Variants in EGFR observed in about 807,000 individuals in gnomAD.
The protein encoded by EGFR is avian erythroblastic leukemia viral (v-erb-b) oncogene homolog.
Under a neutral mutation model 143.0 loss-of-function variants are expected in EGFR, and 58 were observed. That is an observed-to-expected ratio of 0.41 (90% CI 0.33 to 0.50). The LOEUF (loss-of-function observed/expected upper bound fraction) is 0.50, where lower values mean the gene tolerates loss of function less well. Among genes scored for constraint, EGFR ranks in the 20% least tolerant of loss-of-function variants. The probability of loss-of-function intolerance (pLI) is 0.39; values close to 1 mark genes in which losing one functional copy is unlikely to be tolerated. For synonymous variants in EGFR, 613 were observed against 594.4 expected (o/e 1.03, Z -0.45); for missense variants, 1,307 against 1,579.0 (o/e 0.83, Z 2.92).
At chr7:55,106,869 T>C (rs556353871) in intron 1 of EGFR, among the ~76,000 whole-genome samples, 29 of 152,320 alleles carry the variant, frequency 1.9e-4, no homozygotes, top group African/African-American at 6.0e-4. Context: ...TAAAAATCTA[T>C]CAAGTCAAGA....
rs746998002 is a variant in EGFR, at chr7:55,209,935, CTCTT to C, written c.*4319_*4322del. 3.3e-5 allele frequency: 5 copies of C among 152,318 alleles called. No individual in the cohort carries two copies. The East Asian group carries it at 5.8e-4, about 18-fold the overall frequency. 9.4% of individuals were successfully genotyped at this position (152,318 alleles called of 1,614,324 possible). On this transcript the variant is annotated 3_prime_UTR_variant, in exon 28 of 28. Transcript: ENST00000275493. ...GAGGCAAGAGGAAAGCCCTTTCTCTCTCTTATAAAAAGGCACAACCTCATTGGGG... is the reference window on the plus strand; with the variant it reads ...GAGGCAAGAGGAAAGCCCTTTCTCTCATAAAAAGGCACAACCTCATTGGGG...
At chr7:55,177,156 G>C (rs981078992) in intron 19 of EGFR, among the ~76,000 whole-genome samples, 2 of 152,022 alleles carry the variant, frequency 1.3e-5, no homozygotes, top group Non-Finnish European at 2.9e-5. Context: ...AGCCTGGAGT[G>C]TTCCCTGAAG....
At chr7:55,068,704 C>T (rs2302534) in intron 1 of EGFR, among the ~76,000 whole-genome samples, 77,710 of 152,024 alleles carry the variant, frequency 0.51, 20,391 homozygotes, top group East Asian at 0.91. Flanking sequence ...GTATTGAGAA[C>T]GCTCCAGTGA....
intron 1 of EGFR, among the ~76,000 whole-genome samples, chr7:55,140,900 G>A (rs999402888): frequency 6.6e-6 from 1 of 152,214 alleles, no homozygotes. Flanking sequence ...TAAGTGCTTT[G>A]GGTTGGTTAT....
rs183455777 is a variant in EGFR, at chr7:55,077,678, G to A, written c.88+58313G>A. Among the ~76,000 whole-genome samples, 123 of 152,282 alleles carry A rather than the reference G, an allele frequency of 8.1e-4. 1 individual carries two copies. Among genetic ancestry groups the A allele is most frequent in the African/African-American group, 2.5e-3 (104 of 41,540 alleles). Reference sequence around the variant, plus strand: ...GCACCGAAAGACCAAGACTGCTAGAGAACTAGGAAACAGGCGGTGCAAGAA... The same window carrying A: ...GCACCGAAAGACCAAGACTGCTAGAAAACTAGGAAACAGGCGGTGCAAGAA... On this transcript the variant is annotated intron_variant, in intron 1 of 27. Coordinates refer to ENST00000275493, the MANE Select transcript of EGFR (RefSeq NM_005228.5).
intron 22 of EGFR, among the ~76,000 whole-genome samples, chr7:55,197,435 T>C (rs374745792): frequency 1.3e-5 from 2 of 152,342 alleles, no homozygotes; most frequent in East Asian, 1.9e-4. Flanking sequence ...TTTCTAGATA[T>C]AGGATCATGT....
Position 55,033,132 on chromosome 7 carries a change from T to C in EGFR, c.88+13767T>C, listed in dbSNP as rs111291147. Among the ~76,000 whole-genome samples the C allele has an allele frequency of 4.2e-3, 642 of 152,336 alleles. 3 individuals carry two copies. Among genetic ancestry groups the C allele is most frequent in the Non-Finnish European group, 7.4e-3 (502 of 68,020 alleles). The stretch of plus-strand genomic sequence containing the variant: ...GTGATTCTAGAACTAATCATTAACA[T>C]TCAATAGATGACTATTTTATTCTAG... On this transcript the variant is annotated intron_variant, in intron 1 of 27. Coordinates refer to ENST00000275493, the MANE Select transcript of EGFR (RefSeq NM_005228.5).
At chr7:55,029,454 CCTT>C (rs1387813301) in intron 1 of EGFR, among the ~76,000 whole-genome samples, 1 of 151,952 alleles carries the variant, frequency 6.6e-6, no homozygotes, top group African/African-American at 2.4e-5. Flanking sequence ...CTTCCTCGCT[CCTT>C]CTTTTTTACA....
intron 1 of EGFR, among the ~76,000 whole-genome samples, chr7:55,127,550 T>C (rs1286536564): frequency 6.6e-6 from 1 of 152,094 alleles, no homozygotes; most frequent in South Asian, 2.1e-4. Context: ...GGAATGCTTG[T>C]ATAGAAACTT....
At chr7:55,036,271 TGGG>T (rs557551216) in intron 1 of EGFR, among the ~76,000 whole-genome samples, 11 of 22,400 alleles carry the variant, frequency 4.9e-4, no homozygotes, top group African/African-American at 1.6e-3. Flanking sequence ...TGTGTGTGTG[TGGG>T]GGGGGGGGGG....
chr7:55,139,388 T>C (rs1210200832), intron 1 of EGFR, among the ~76,000 whole-genome samples: 1 of 152,218 alleles, frequency 6.6e-6, no homozygotes, highest in Admixed American at 6.5e-5. Context: ...CATTGCTTTA[T>C]ATTTCTAACA....
At chr7:55,143,609 G>C in intron 3 of EGFR, 121 bp downstream of exon 3, 1 of 1,062,870 alleles carries the variant, frequency 9.4e-7, no homozygotes, top group Non-Finnish European at 1.4e-6. Flanking sequence ...CCCAGTACAC[G>C]TGCACTGAGT....
intron 23 of EGFR, among the ~76,000 whole-genome samples, chr7:55,199,247 A>T (rs946841803): frequency 3.9e-5 from 6 of 152,268 alleles, no homozygotes; most frequent in African/African-American, 1.4e-4. Flanking sequence ...AGGCTAATAG[A>T]GTCAACATTT....
intron 12 of EGFR, 36 bp downstream of exon 12, chr7:55,160,374 G>A (rs1338161109): frequency 1.3e-6 from 2 of 1,595,324 alleles, no homozygotes; most frequent in East Asian, 2.2e-5. Context: ...TATGGAGTTG[G>A]TTCTAATGGG....
chr7:55,111,739 G>A (rs1792504368), intron 1 of EGFR, among the ~76,000 whole-genome samples: 1 of 152,162 alleles, frequency 6.6e-6, no homozygotes. Context: ...CCTCTGTAAA[G>A]ACCTGTCCTT....
chr7:55,203,110 CACACAT>C (rs1299663195), intron 27 of EGFR: 8 of 266,108 alleles, frequency 3.0e-5, no homozygotes, highest in East Asian at 5.5e-5. Context: ...CACATATACA[CACACAT>C]ACACATACAC....
chr7:55,168,572 T>C lies in EGFR; in HGVS notation c.1881-2603T>C, dbSNP rs199683814. Reference sequence around the variant, plus strand: ...ACTTTAGTCTCCCACTAAAACTGCATTTCCTTTCTACAATTTCAATTTCTC... The same window carrying C: ...ACTTTAGTCTCCCACTAAAACTGCACTTCCTTTCTACAATTTCAATTTCTC... On this transcript the variant is annotated intron_variant, in intron 15 of 27. Transcript: ENST00000275493. 606 of 1,612,428 alleles carry C rather than the reference T, an allele frequency of 3.8e-4. 1 individual carries two copies. The African/African-American group carries it at 6.4e-3, about 17-fold the overall frequency.
intron 1 of EGFR, among the ~76,000 whole-genome samples, chr7:55,084,791 T>C (rs1448174955): frequency 1.3e-5 from 2 of 152,188 alleles, no homozygotes; most frequent in Non-Finnish European, 2.9e-5. Flanking sequence ...GGGCTTTTAT[T>C]AGGAAGAGGA....
chr7:55,132,819 G>A (rs17151957), intron 1 of EGFR, among the ~76,000 whole-genome samples: 36,395 of 152,006 alleles, frequency 0.24, 4,649 homozygotes, highest in Admixed American at 0.29. Context: ...AGCTACCTTC[G>A]CGCTACTTTA....
Sources: allele counts gnomAD v4.1 joint callset (sites outside exome capture counted in the v4.1 genomes callset), GRCh38; gene constraint gnomAD v4.1.1; transcripts MANE v1.5; gene names NCBI Gene and HGNC (gene_info 2026-07-23, HGNC 2026-07-21).